The following DNMT1 variants were observed in gnomAD, a reference collection of about 807,000 sequenced individuals.
DNMT1 encodes the protein DNA methyltransferase 1.
Under a neutral mutation model 205.3 loss-of-function variants are expected in DNMT1, and 24 were observed. That is an observed-to-expected ratio of 0.12 (90% CI 0.08 to 0.16). The LOEUF is 0.16. DNMT1 is among the 10% of genes least tolerant of loss of function. DNMT1 has a pLI of 1.00. For synonymous variants in DNMT1, 817 were observed against 839.8 expected, an observed-to-expected ratio of 0.97 and a Z score of 0.47; for missense variants, 1,293 against 2,177.7, an observed-to-expected ratio of 0.59 and a Z score of 8.09.
rs1382420769 is a variant in DNMT1, at chr19:10,194,937, G to A, written c.-38C>T. The A allele has an allele frequency of 6.3e-7, 1 of 1,582,632 alleles. No homozygotes were observed. Among genetic ancestry groups the A allele is most frequent in the African/African-American group, 1.4e-5 (1 of 73,672 alleles). On this transcript the variant is annotated 5_prime_UTR_variant, in exon 1 of 41. Coordinates refer to ENST00000359526, the MANE Select transcript of DNMT1 (RefSeq NM_001130823.3). Reference sequence around the variant, plus strand: ...AGCAGACGCGGCGGCGGCAGCGCAGGCGCCCCGGCTTTTCGCGCGGAAACC... The same window carrying A: ...AGCAGACGCGGCGGCGGCAGCGCAGACGCCCCGGCTTTTCGCGCGGAAACC...
In DNMT1 at chr19:10,173,912, G is replaced by A. The variant is rs1384059855; in HGVS notation, c.649-7C>T. On this transcript the variant is annotated splice_region_variant and splice_polypyrimidine_tract_variant and intron_variant, in intron 7 of 40. Transcript: ENST00000359526. ...CTCTACGTCTCTTCTCATCCTGTGT[G>A]GAGGGAAGGAAGAACAAAAAAGATT... The A allele has an allele frequency of 5.6e-6, 9 of 1,613,712 alleles. No individual in the cohort carries two copies. Among genetic ancestry groups the A allele is most frequent in the Non-Finnish European group, 6.8e-6 (8 of 1,179,752 alleles).
chr19:10,138,425 C>A lies in DNMT1; in HGVS notation c.4115+14G>T. The A allele has an allele frequency of 6.2e-7, 1 of 1,613,862 alleles. No individual in the cohort carries two copies. The highest frequency in any genetic ancestry group is 8.5e-7 in the Non-Finnish European group (1 of 1,180,032). On this transcript the variant is annotated intron_variant, in intron 35 of 40. Transcript: ENST00000359526. This position sits in a 1 kb window ranked among gnomAD's most constrained non-coding sequence, Gnocchi z 4.1. ...TGCTCGGCAGTGTGTGGAGGAGCGA[C>A]GGGGGCCACCTACCTGGTTATGTTG...
At chr19:10,139,956 AGGCCTCAGTGCAG>A in intron 33 of DNMT1, 77 bp downstream of exon 33, 1 of 1,597,260 alleles carries the variant, frequency 6.3e-7, no homozygotes, top group Non-Finnish European at 8.5e-7. Flanking sequence ...CGGGGGGCAG[AGGCCTCAGTGCAG>A]GGCGAAAATG....
intron 28 of DNMT1, among the ~76,000 whole-genome samples, chr19:10,145,457 G>A (rs1423781304): frequency 6.0e-5 from 9 of 150,404 alleles, no homozygotes; most frequent in East Asian, 1.9e-4. Context: ...ATTGTGAGCC[G>A]GGAAGGCATC....
intron 19 of DNMT1, among the ~76,000 whole-genome samples, chr19:10,155,503 A>G (rs1365565642): frequency 6.6e-6 from 1 of 151,896 alleles, no homozygotes; most frequent in Non-Finnish European, 1.5e-5. Context: ...ATGCGTGGCT[A>G]ATTTTTGTAT....
At chr19:10,187,043 C>A (rs919183445) in intron 1 of DNMT1, among the ~76,000 whole-genome samples, 1 of 151,658 alleles carries the variant, frequency 6.6e-6, no homozygotes, top group African/African-American at 2.4e-5. Context: ...AAGAAACAAA[C>A]GTGAGACTGG....
At chr19:10,134,411 T>C (rs551569702) in intron 39 of DNMT1, 104 bp from the exon 40 acceptor site, 99 of 1,036,156 alleles carry the variant, frequency 9.6e-5, no homozygotes, top group South Asian at 1.4e-5. Context: ...AACCTGGGCA[T>C]TGCACCCCTT....
rs759387392 is a variant in DNMT1 at position 10,146,568 on chromosome 19, C to T, written c.2721-44G>A. 1.9e-6 allele frequency: 3 copies of T among 1,611,948 alleles called. No individual in the cohort carries two copies. The highest frequency in any genetic ancestry group is 1.7e-5 in the Admixed American group (1 of 59,968). On this transcript the variant is annotated intron_variant, in intron 27 of 40. Transcript: ENST00000359526. The surrounding 1 kb of genome is among the most constrained non-coding windows in gnomAD (Gnocchi z 4.4). ...CAGAAACATAAGGCCCTGAGGTGGC[C>T]GGCAGTGGCCGCAGCAGCTACTGCC...
At position 10,137,336 on chromosome 19, in the gene DNMT1, C is replaced by T. The variant is rs542862981; in HGVS notation, c.4294-56G>A. The T allele has an allele frequency of 2.2e-5, 34 of 1,552,488 alleles. No homozygotes were observed. In the African/African-American group the frequency reaches 3.7e-4, roughly 17 times the overall value. ...CTCATGTGAGCAGCATCCGAGCATC[C>T]ATGGTGGGCTGGGAGCTGGGAACAC... is the stretch of plus-strand genomic sequence containing the variant. On this transcript the variant is annotated intron_variant, in intron 36 of 40. Transcript: ENST00000359526. This position sits in a 1 kb window ranked among gnomAD's most constrained non-coding sequence, Gnocchi z 6.4.
intron 30 of DNMT1, chr19:10,141,471 C>G: frequency 2.2e-6 from 1 of 455,862 alleles, no homozygotes; most frequent in Non-Finnish European, 4.1e-6. Flanking sequence ...ATCTGCTGTC[C>G]AATTGGGCTA....
intron 39 of DNMT1, among the ~76,000 whole-genome samples, chr19:10,135,098 G>A (rs2089447589): frequency 6.6e-6 from 1 of 151,554 alleles, no homozygotes; most frequent in Non-Finnish European, 1.5e-5. Context: ...TGTAATCCCA[G>A]CTACTCAAGA....
At chr19:10,165,302 T>G (rs2038665830) in intron 11 of DNMT1, among the ~76,000 whole-genome samples, 1 of 152,142 alleles carries the variant, frequency 6.6e-6, no homozygotes, top group Non-Finnish European at 1.5e-5. Context: ...CTTAGAGCTT[T>G]GGGAGGCAGA....
In DNMT1 at chr19:10,174,168, A is replaced by C. The variant is rs188674297; in HGVS notation, c.649-263T>G. Among the ~76,000 whole-genome samples, 514 of 152,314 alleles carry C rather than the reference A, an allele frequency of 3.4e-3. 4 individuals carry two copies. Among genetic ancestry groups the C allele is most frequent in the Admixed American group, 0.011 (166 of 15,276 alleles). ...AGATCGCCTGGTGATACTATGTAAA[A>C]GAATCAAAGATTCTCCATCTTGTGT... On this transcript the variant is annotated intron_variant, in intron 7 of 40. Coordinates refer to ENST00000359526, the MANE Select transcript of DNMT1 (RefSeq NM_001130823.3).
At chr19:10,167,794 G>A (rs1408967711) in intron 10 of DNMT1, among the ~76,000 whole-genome samples, 1 of 152,134 alleles carries the variant, frequency 6.6e-6, no homozygotes, top group African/African-American at 2.4e-5. Context: ...ACTACCACAT[G>A]ACACACAGCT....
At chr19:10,169,541 G>C (rs994047787) in intron 9 of DNMT1, among the ~76,000 whole-genome samples, 1 of 145,796 alleles carries the variant, frequency 6.9e-6, no homozygotes, top group African/African-American at 2.6e-5. Flanking sequence ...TGGGCGACAA[G>C]AGCGAGATTC....
In DNMT1 at chr19:10,154,794, T is replaced by A; in HGVS notation, c.1645-21A>T. 1 of 1,614,242 alleles carries A rather than the reference T, an allele frequency of 6.2e-7. No homozygotes were observed. The highest frequency in any genetic ancestry group is 8.5e-7 in the Non-Finnish European group (1 of 1,180,050). On this transcript the variant is annotated intron_variant, in intron 20 of 40. Transcript: ENST00000359526. The surrounding 1 kb of genome is among the most constrained non-coding windows in gnomAD (Gnocchi z 6.3). ...GTGGTCTTGAAAGAGAACAGGTTTCTCTCATGCTTAAGCCAAACTGGCCTA... is the reference window on the plus strand; with the variant it reads ...GTGGTCTTGAAAGAGAACAGGTTTCACTCATGCTTAAGCCAAACTGGCCTA...
At chr19:10,193,517 CTA>C (rs2039341771) in intron 1 of DNMT1, among the ~76,000 whole-genome samples, 1 of 151,972 alleles carries the variant, frequency 6.6e-6, no homozygotes, top group South Asian at 2.1e-4. Flanking sequence ...GCGCACGGCA[CTA>C]CTCCAGGCTA....
rs1204600439 is a variant in DNMT1 at position 10,194,921 on chromosome 19, G to A, written c.-22C>T. The A allele has an allele frequency of 3.1e-6, 5 of 1,596,252 alleles. No individual in the cohort carries two copies. The highest frequency in any genetic ancestry group is 2.7e-5 in the African/African-American group (2 of 74,242). The stretch of plus-strand genomic sequence containing the variant: ...GCATCTCGGAGGCTTCAGCAGACGC[G>A]GCGGCGGCAGCGCAGGCGCCCCGGC... On this transcript the variant is annotated 5_prime_UTR_variant, in exon 1 of 41. Transcript: ENST00000359526.
rs1568232362 is a variant in DNMT1 at position 10,151,566 on chromosome 19, C to T, written c.2118-21G>A. 1 of 1,608,908 alleles carries T rather than the reference C, an allele frequency of 6.2e-7. No homozygotes were observed. Among genetic ancestry groups the T allele is most frequent in the Non-Finnish European group, 8.5e-7 (1 of 1,179,992 alleles). On this transcript the variant is annotated intron_variant, in intron 23 of 40. Transcript: ENST00000359526. This position sits in a 1 kb window ranked among gnomAD's most constrained non-coding sequence, Gnocchi z 5.0. ...GACACCTGCAATGTCACTGGTTATA[C>T]CTAAGGCCCCTTTTCTAAGTAAGAC...
Sources: allele counts gnomAD v4.1 joint callset (sites outside exome capture counted in the v4.1 genomes callset), GRCh38; gene constraint gnomAD v4.1.1; non-coding constraint Gnocchi (gnomAD v3.1); transcripts MANE v1.5; gene names NCBI Gene and HGNC (gene_info 2026-07-23, HGNC 2026-07-21).